Variants in PCDH15 observed in about 807,000 individuals in gnomAD.
The protein encoded by PCDH15 is protocadherin related 15, also known as protocadherin-15.
A neutral mutation model predicts 178.5 loss-of-function variants in PCDH15; 129 were observed. The ratio of observed to expected loss-of-function variants is 0.72; its 90% CI spans 0.63 to 0.84. The LOEUF (loss-of-function observed/expected upper bound fraction) is 0.84. Ranked by LOEUF, PCDH15 falls within the 40% of genes least tolerant of loss-of-function variation. The pLI, the probability that PCDH15 is intolerant of heterozygous loss-of-function variation, is 0.00. For synonymous variants in PCDH15, 800 were observed against 732.0 expected, an observed-to-expected ratio of 1.09 and a Z score of -1.50; for missense variants, 2,230 against 2,099.9, an observed-to-expected ratio of 1.06 and a Z score of -1.21.
intron 2 of PCDH15, among the ~76,000 whole-genome samples, chr10:55,514,987 A>G (rs1368177782): frequency 8.3e-6 from 1 of 120,270 alleles, no homozygotes; most frequent in Non-Finnish European, 1.7e-5. Flanking sequence ...AGATAGATAG[A>G]TTTTTTTTTT....
At chr10:55,352,919 G>A (rs929750928) in intron 2 of PCDH15, among the ~76,000 whole-genome samples, 4 of 152,126 alleles carry the variant, frequency 2.6e-5, no homozygotes, top group African/African-American at 9.7e-5. Flanking sequence ...CATTACATCT[G>A]AAAGTATGCT....
At chr10:53,913,395 C>T (rs1484981563) in intron 25 of PCDH15, among the ~76,000 whole-genome samples, 1 of 151,992 alleles carries the variant, frequency 6.6e-6, no homozygotes. Flanking sequence ...ACACCAAAAG[C>T]AATGGCACCG....
intron 3 of PCDH15, among the ~76,000 whole-genome samples, chr10:54,385,361 AT>A (rs2082529295): frequency 6.6e-6 from 1 of 152,168 alleles, no homozygotes; most frequent in Admixed American, 6.6e-5. Context: ...CTAAATGTGA[AT>A]TAGAACTATG....
chr10:54,153,010 G>A, intron 14 of PCDH15, 90 bp downstream of exon 14: 1 of 1,387,296 alleles, frequency 7.2e-7, no homozygotes, highest in Non-Finnish European at 1.0e-6. Flanking sequence ...ATGTTTATAG[G>A]ATAAAAGAAT....
At chr10:55,384,154 C>A (rs1837599511) in intron 2 of PCDH15, among the ~76,000 whole-genome samples, 1 of 152,106 alleles carries the variant, frequency 6.6e-6, no homozygotes, top group South Asian at 2.1e-4. Context: ...CTTTGTTAAT[C>A]TGTTTACCAA....
intron 2 of PCDH15, among the ~76,000 whole-genome samples, chr10:54,935,796 C>A (rs1264413011): frequency 2.6e-5 from 4 of 151,952 alleles, no homozygotes; most frequent in African/African-American, 7.2e-5. Context: ...GAATTTAATT[C>A]ATTATTACAT....
intron 2 of PCDH15, among the ~76,000 whole-genome samples, chr10:54,650,300 G>T (rs945930838): frequency 1.3e-5 from 2 of 152,064 alleles, no homozygotes; most frequent in African/African-American, 4.8e-5. Flanking sequence ...CCACATAATA[G>T]TTGAACCACA....
chr10:54,190,849 A>G (rs1335602018), intron 11 of PCDH15, among the ~76,000 whole-genome samples: 1 of 152,258 alleles, frequency 6.6e-6, no homozygotes, highest in African/African-American at 2.4e-5. Context: ...CGGTCTATAA[A>G]AAACAGATGT....
chr10:54,832,992 T>C (rs573762250), intron 3 of PCDH15, among the ~76,000 whole-genome samples: 94 of 152,270 alleles, frequency 6.2e-4, no homozygotes, highest in African/African-American at 2.2e-3. Context: ...GTGGCAGTTC[T>C]ATATTTATGC....
At chr10:54,530,545 C>G (rs1405684435) in intron 2 of PCDH15, among the ~76,000 whole-genome samples, 1 of 152,150 alleles carries the variant, frequency 6.6e-6, no homozygotes, top group African/African-American at 2.4e-5. Context: ...TTGACTTTTT[C>G]CACAATGTAG....
chr10:55,359,888 C>T (rs1267923695), intron 2 of PCDH15, among the ~76,000 whole-genome samples: 4 of 151,478 alleles, frequency 2.6e-5, no homozygotes, highest in Non-Finnish European at 5.9e-5. Flanking sequence ...AAGCCAGGCA[C>T]ACAAAGACAA....
At chr10:54,415,491 T>C (rs1256554271) in intron 3 of PCDH15, among the ~76,000 whole-genome samples, 1 of 152,116 alleles carries the variant, frequency 6.6e-6, no homozygotes, top group Non-Finnish European at 1.5e-5. Flanking sequence ...TTCCATGTTG[T>C]CAAGAAGGCA....
At chr10:55,242,252 A>G (rs2132213382) in intron 1 of PCDH15, among the ~76,000 whole-genome samples, 1 of 152,182 alleles carries the variant, frequency 6.6e-6, no homozygotes, top group Admixed American at 6.5e-5. Flanking sequence ...GCTTGAAATG[A>G]TTATCTTTCT....
chr10:54,192,730 C>T (rs1480289630), intron 11 of PCDH15, among the ~76,000 whole-genome samples: 1 of 152,080 alleles, frequency 6.6e-6, no homozygotes, highest in South Asian at 2.1e-4. Flanking sequence ...GACAGTCACT[C>T]ACCATAGATT....
At chr10:55,294,706 T>A (rs913375353) in intron 1 of PCDH15, among the ~76,000 whole-genome samples, 7 of 152,212 alleles carry the variant, frequency 4.6e-5, no homozygotes, top group African/African-American at 1.7e-4. Flanking sequence ...AATAAGCCTA[T>A]GAACATATTG....
At chr10:54,437,748 G>A (rs2136105406) in intron 3 of PCDH15, among the ~76,000 whole-genome samples, 1 of 152,258 alleles carries the variant, frequency 6.6e-6, no homozygotes, top group Middle Eastern at 3.4e-3. Flanking sequence ...ATGAGCCACT[G>A]CTTGAATATG....
chr10:55,037,689 T>C (rs1413356821), intron 2 of PCDH15, among the ~76,000 whole-genome samples: 1 of 152,224 alleles, frequency 6.6e-6, no homozygotes, highest in Non-Finnish European at 1.5e-5. Context: ...TTGTAAAATA[T>C]CTGCGGACTC....
chr10:54,198,523 A>T (rs1183776851), intron 10 of PCDH15, among the ~76,000 whole-genome samples: 1 of 4,392 alleles, frequency 2.3e-4, no homozygotes. Flanking sequence ...TTTTTTTGAG[A>T]CAAAGTCTCG....
rs2049934357 is a variant in PCDH15 at position 54,198,704 on chromosome 10, T to A, written c.1099-2815A>T. On this transcript the variant is annotated intron_variant, in intron 10 of 37. Transcript: ENST00000644397. ...TTTTAGTAGAGACGGGGTTTCACCG[T>A]TTTAGCCGGGATGGTCTCGATCTCC... 2.1e-5 allele frequency among the ~76,000 whole-genome samples: 2 copies of A among 96,204 alleles called. 1 individual carries two copies. 63.1% of individuals were successfully genotyped at this position (96,204 alleles called of 152,430 possible).
Sources: allele counts gnomAD v4.1 joint callset (sites outside exome capture counted in the v4.1 genomes callset), GRCh38; gene constraint gnomAD v4.1.1; transcripts MANE v1.5; gene names NCBI Gene and HGNC (gene_info 2026-07-23, HGNC 2026-07-21).